Variants in DCAF6 observed in about 807,000 individuals in gnomAD.
DCAF6 encodes the protein DDB1- and CUL4-associated factor 6.
A neutral mutation model predicts 125.1 loss-of-function variants in DCAF6; 54 were observed. The ratio of observed to expected loss-of-function variants is 0.43; its 90% CI spans 0.35 to 0.54. The LOEUF (loss-of-function observed/expected upper bound fraction) is 0.54, where lower values mean the gene tolerates loss of function less well. DCAF6 is among the 20% of genes least tolerant of loss of function. The pLI, the probability that DCAF6 is intolerant of heterozygous loss-of-function variation, is 0.01. For synonymous variants in DCAF6, 371 were observed against 390.4 expected (o/e 0.95, Z 0.58); for missense variants, 934 against 1,161.7 (o/e 0.80, Z 2.85).
At chr1:168,055,337 T>TG (rs1242988609) in intron 17 of DCAF6, among the ~76,000 whole-genome samples, 2 of 6,450 alleles carry the variant, frequency 3.1e-4, no homozygotes, top group Non-Finnish European at 5.1e-4. Flanking sequence ...TTAAGTTTTT[T>TG]TTTTTTTTTT....
the DCAF6 span, among the ~76,000 whole-genome samples, chr1:167,906,382 G>C: frequency 6.6e-6 from 1 of 150,410 alleles, no homozygotes; most frequent in Non-Finnish European, 1.5e-5. Flanking sequence ...AAAAAGGGTA[G>C]CATTAAAAAT....
intron 5 of DCAF6, among the ~76,000 whole-genome samples, chr1:167,989,605 G>A (rs751591039): frequency 2.0e-5 from 3 of 152,152 alleles, no homozygotes; most frequent in South Asian, 2.1e-4. Flanking sequence ...CTGAGGGGCC[G>A]GGCGCGGTGG....
the DCAF6 span, chr1:167,875,154 C>G: frequency 6.2e-7 from 1 of 1,614,068 alleles, no homozygotes; most frequent in African/African-American, 1.3e-5. Context: ...ATCCTCCTTT[C>G]TGTTGCAGAT....
upstream of DCAF6, chr1:167,935,681 T>C (rs758665226): frequency 2.8e-5 from 42 of 1,481,910 alleles, no homozygotes; most frequent in Middle Eastern, 1.7e-4. Context: ...AGGTCCATTT[T>C]AGAGGAAGCG....
the DCAF6 span, among the ~76,000 whole-genome samples, chr1:167,898,679 T>C: frequency 9.9e-5 from 15 of 152,056 alleles, no homozygotes. Flanking sequence ...AGGCTGGATA[T>C]GTCTTGCTGG....
the DCAF6 span, chr1:167,870,190 G>A: frequency 6.4e-7 from 1 of 1,561,568 alleles, no homozygotes; most frequent in South Asian, 1.1e-5. Flanking sequence ...TTATAGGAAG[G>A]AGAGGAGCAT....
chr1:168,066,010 T>C (rs953635440), intron 19 of DCAF6, among the ~76,000 whole-genome samples: 13 of 152,238 alleles, frequency 8.5e-5, no homozygotes, highest in African/African-American at 3.1e-4. Flanking sequence ...TTGGTGTGAC[T>C]GAACTTTTTA....
intron 7 of DCAF6, among the ~76,000 whole-genome samples, chr1:168,000,466 A>G (rs930468937): frequency 2.0e-5 from 3 of 152,204 alleles, no homozygotes; most frequent in Non-Finnish European, 2.9e-5. Context: ...GCAAAGTGCA[A>G]TAAAATGAGG....
At chr1:167,969,710 A>C (rs188378873) in intron 3 of DCAF6, among the ~76,000 whole-genome samples, 26 of 152,322 alleles carry the variant, frequency 1.7e-4, no homozygotes, top group Non-Finnish European at 2.9e-4. Flanking sequence ...TAGCAAAAAA[A>C]GCTTGATGTT....
At chr1:167,889,939 A>G in the DCAF6 span, among the ~76,000 whole-genome samples, 83,303 of 151,974 alleles carry the variant, frequency 0.55, 23,407 homozygotes, top group African/African-American at 0.65. Flanking sequence ...TTCTTAGTTA[A>G]CATGGCTGAA....
At chr1:167,925,140 C>G in the DCAF6 span, among the ~76,000 whole-genome samples, 1 of 151,968 alleles carries the variant, frequency 6.6e-6, no homozygotes, top group Non-Finnish European at 1.5e-5. Flanking sequence ...ATTTTTGTCC[C>G]TCTCGAATTC....
chr1:167,997,877 A>G (rs928448835), intron 7 of DCAF6, among the ~76,000 whole-genome samples: 3 of 152,166 alleles, frequency 2.0e-5, no homozygotes, highest in African/African-American at 7.2e-5. Context: ...TATAATAGAA[A>G]TGGCAATAAG....
chr1:167,895,463 C>T, the DCAF6 span, among the ~76,000 whole-genome samples: 1 of 152,264 alleles, frequency 6.6e-6, no homozygotes, highest in East Asian at 1.9e-4. Flanking sequence ...TACTCCAGAC[C>T]TGTACATAAA....
the DCAF6 span, among the ~76,000 whole-genome samples, chr1:167,874,309 C>A: frequency 6.6e-6 from 1 of 151,996 alleles, no homozygotes; most frequent in African/African-American, 2.4e-5. Flanking sequence ...CCAGCCTGGG[C>A]AACAGAGTGA....
chr1:168,005,381 T>TA (rs200925439), intron 10 of DCAF6, among the ~76,000 whole-genome samples: 4 of 152,064 alleles, frequency 2.6e-5, no homozygotes, highest in East Asian at 1.9e-4. Context: ...TACGTTCTGT[T>TA]AAAATGCTAT....
intron 10 of DCAF6, among the ~76,000 whole-genome samples, chr1:168,006,417 T>C (rs1683348068): frequency 6.6e-6 from 1 of 152,190 alleles, no homozygotes; most frequent in South Asian, 2.1e-4. Flanking sequence ...GACTAAGCTA[T>C]AGATAATTAG....
intron 1 of DCAF6, 89 bp from the exon 2 acceptor site, chr1:167,951,711 T>C (rs1673977907): frequency 2.4e-6 from 2 of 824,924 alleles, no homozygotes; most frequent in Non-Finnish European, 2.0e-6. Flanking sequence ...AATTTACTTT[T>C]CATGCCAGAT....
intron 5 of DCAF6, among the ~76,000 whole-genome samples, chr1:167,989,301 T>C (rs531202905): frequency 6.6e-6 from 1 of 152,330 alleles, no homozygotes; most frequent in South Asian, 2.1e-4. Flanking sequence ...ACTATTTTAG[T>C]GTTTCAGTGT....
chr1:167,905,052 G>A, the DCAF6 span: 1 of 1,614,214 alleles, frequency 6.2e-7, no homozygotes, highest in Non-Finnish European at 8.5e-7. Context: ...TCGCTCTGGG[G>A]AGAAATGTCC....
Sources: allele counts gnomAD v4.1 joint callset (sites outside exome capture counted in the v4.1 genomes callset), GRCh38; gene constraint gnomAD v4.1.1; transcripts MANE v1.5; gene names NCBI Gene and HGNC (gene_info 2026-07-23, HGNC 2026-07-21).